Variants in RTN4 observed in about 807,000 individuals in gnomAD.
RTN4 encodes reticulon 4.
Under a neutral mutation model 90.4 loss-of-function variants are expected in RTN4, and 32 were observed. The observed-to-expected ratio is 0.35, with a 90% CI of 0.27 to 0.48. The LOEUF (loss-of-function observed/expected upper bound fraction) is 0.48. Among genes scored for constraint, RTN4 ranks in the 20% least tolerant of loss-of-function variants. The pLI is 0.99. For missense variants in RTN4, 1,706 were observed against 1,430.2 expected (o/e 1.19, Z -3.11); for synonymous variants, 629 against 552.5 (o/e 1.14, Z -1.94).
intron 5 of RTN4, among the ~76,000 whole-genome samples, chr2:54,976,361 G>A (rs993286274): frequency 4.6e-5 from 7 of 152,148 alleles, no homozygotes; most frequent in African/African-American, 1.7e-4. Context: ...GCTATCCCAA[G>A]ACAAAGAGAA....
chr2:55,039,951 C>T (rs1457887502), intron 1 of RTN4, among the ~76,000 whole-genome samples: 1 of 152,080 alleles, frequency 6.6e-6, no homozygotes, highest in African/African-American at 2.4e-5. Flanking sequence ...CAACATATTT[C>T]ATTAACAAAA....
intron 1 of RTN4, among the ~76,000 whole-genome samples, chr2:55,084,304 T>C (rs1573507017): frequency 2.9e-5 from 2 of 68,510 alleles, no homozygotes; most frequent in Admixed American, 3.2e-4. Flanking sequence ...CCCCCCTGCC[T>C]TTTTTTTTTT....
At chr2:55,003,975 G>A (rs1053967109) in intron 3 of RTN4, among the ~76,000 whole-genome samples, 1 of 152,122 alleles carries the variant, frequency 6.6e-6, no homozygotes, top group Non-Finnish European at 1.5e-5. Context: ...TACATAAAAA[G>A]GGAACTTAGG....
chr2:55,069,368 C>G (rs74464515), intron 2 of RTN4, among the ~76,000 whole-genome samples: 1 of 152,038 alleles, frequency 6.6e-6, no homozygotes, highest in African/African-American at 2.4e-5. Flanking sequence ...CCTCTGTAAC[C>G]GCCCCCCTCA....
At chr2:55,041,559 T>C (rs1683077960) in intron 1 of RTN4, among the ~76,000 whole-genome samples, 1 of 152,006 alleles carries the variant, frequency 6.6e-6, no homozygotes, top group Admixed American at 6.6e-5. Context: ...ATTTCACCCA[T>C]ACTACAAGAA....
At chr2:54,976,045 CT>C (rs1677604807) in intron 5 of RTN4, among the ~76,000 whole-genome samples, 1 of 152,184 alleles carries the variant, frequency 6.6e-6, no homozygotes, top group African/African-American at 2.4e-5. Context: ...CTAAATATAA[CT>C]TTTGCACTTG....
Position 54,972,304 on chromosome 2 carries a change from AATT to A in RTN4, c.*849_*851del. ...TATAAATCTTCATTTTGTAATTAAT[AATT>A]TCTTGCATAACAATGTTTGATATTT... On this transcript the variant is annotated 3_prime_UTR_variant, in exon 9 of 9. Coordinates refer to ENST00000337526, the MANE Select transcript of RTN4 (RefSeq NM_020532.5). The A allele has an allele frequency of 6.5e-6, 1 of 152,786 alleles. No individual in the cohort carries two copies. Among genetic ancestry groups the A allele is most frequent in the East Asian group, 1.9e-4 (1 of 5,196 alleles). 9.5% of individuals were successfully genotyped at this position (152,786 alleles called of 1,614,324 possible).
chr2:55,121,049 C>T, the RTN4 span, among the ~76,000 whole-genome samples: 2 of 152,202 alleles, frequency 1.3e-5, no homozygotes, highest in African/African-American at 4.8e-5. Flanking sequence ...CCAATGCCTT[C>T]GCCAGACTAA....
At chr2:54,984,872 G>A (rs1371061105) in intron 4 of RTN4, among the ~76,000 whole-genome samples, 3 of 152,228 alleles carry the variant, frequency 2.0e-5, no homozygotes, top group Non-Finnish European at 4.4e-5. Flanking sequence ...TTGGGACATT[G>A]AGGCAGGAGG....
At chr2:55,081,750 C>T (rs192993080) in intron 1 of RTN4, among the ~76,000 whole-genome samples, 3 of 151,448 alleles carry the variant, frequency 2.0e-5, no homozygotes, top group Non-Finnish European at 4.4e-5. Context: ...GTGATCCCAG[C>T]TACTCAGGAG....
At chr2:55,099,273 A>C (rs1667808656) in intron 1 of RTN4, among the ~76,000 whole-genome samples, 1 of 152,148 alleles carries the variant, frequency 6.6e-6, no homozygotes, top group Admixed American at 6.6e-5. Context: ...AAACATGACC[A>C]GTTTTTTGAG....
In RTN4 at chr2:55,022,068, A is replaced by C. The variant is rs188148877; in HGVS notation, c.3013+3018T>G. Among the ~76,000 whole-genome samples, 420 of 152,286 alleles carry C rather than the reference A, an allele frequency of 2.8e-3. 1 individual carries two copies. Among genetic ancestry groups the C allele is most frequent in the African/African-American group, 9.2e-3 (383 of 41,556 alleles). On this transcript the variant is annotated intron_variant, in intron 3 of 8. Coordinates refer to ENST00000337526, the MANE Select transcript of RTN4 (RefSeq NM_020532.5). ...GCCCCCTTTTCTTCCCTTACTTCTA[A>C]ACTATTAGGCTATAGATTTCCCAGG... is the stretch of plus-strand genomic sequence containing the variant.
intron 3 of RTN4, among the ~76,000 whole-genome samples, chr2:55,008,090 T>C (rs1573366069): frequency 6.6e-6 from 1 of 151,740 alleles, no homozygotes; most frequent in African/African-American, 2.4e-5. Context: ...AAATTATTAA[T>C]GCTTTCAGCC....
chr2:55,067,927 C>CAATAAATAAT (rs1231937271), intron 2 of RTN4, among the ~76,000 whole-genome samples: 1 of 152,134 alleles, frequency 6.6e-6, no homozygotes, highest in African/African-American at 2.4e-5. Flanking sequence ...ATTGCTGAAA[C>CAATAAATAAT]AATAAATAAT....
chr2:55,097,519 A>G (rs919219644), intron 1 of RTN4, among the ~76,000 whole-genome samples: 23 of 152,084 alleles, frequency 1.5e-4, no homozygotes, highest in African/African-American at 5.3e-4. Context: ...GACACTTGCT[A>G]TTGCCCCAGA....
chr2:55,110,831 G>A (rs1377612779), intron 1 of RTN4, among the ~76,000 whole-genome samples: 1 of 152,220 alleles, frequency 6.6e-6, no homozygotes, highest in Non-Finnish European at 1.5e-5. Context: ...GCCTGAGATC[G>A]GGAGTTCAAG....
chr2:55,066,207 G>T (rs987468201), intron 2 of RTN4, among the ~76,000 whole-genome samples: 3 of 151,606 alleles, frequency 2.0e-5, no homozygotes, highest in South Asian at 2.1e-4. Flanking sequence ...GTGTGTGTGT[G>T]TGTGTGTGTG....
intron 3 of RTN4, among the ~76,000 whole-genome samples, chr2:54,990,961 T>G (rs1465080144): frequency 1.3e-5 from 2 of 152,078 alleles, no homozygotes; most frequent in East Asian, 3.9e-4. Flanking sequence ...TTTTTGTTTT[T>G]TTAGTAGAGA....
At chr2:55,120,920 C>A in the RTN4 span, among the ~76,000 whole-genome samples, 6 of 152,236 alleles carry the variant, frequency 3.9e-5, no homozygotes, top group African/African-American at 1.2e-4. Context: ...ACAGGGGTCC[C>A]CAGGGTCTCC....
Sources: gnomAD v4.1 joint callset for allele counts (sites outside exome capture counted in the v4.1 genomes callset) on GRCh38, gnomAD v4.1.1 for gene constraint, MANE v1.5 for transcripts, NCBI Gene and HGNC (gene_info 2026-07-23, HGNC 2026-07-21) for gene names.